Variants in UGGT2 observed in about 807,000 individuals in gnomAD.
The protein encoded by UGGT2 is UDP-glucose glycoprotein glucosyltransferase 2.
In UGGT2, 180 loss-of-function variants were observed where a neutral mutation model predicts 192.1. The ratio of observed to expected loss-of-function variants is 0.94; its 90% CI spans 0.83 to 1.06. The LOEUF (loss-of-function observed/expected upper bound fraction) is 1.06, where lower values mean the gene tolerates loss of function less well. Among genes scored for constraint, UGGT2 ranks in the 50% least tolerant of loss-of-function variants. UGGT2 has a pLI of 0.00. For missense variants in UGGT2, 1,849 were observed against 1,795.7 expected (o/e 1.03, Z -0.54); for synonymous variants, 580 against 591.0 (o/e 0.98, Z 0.27).
intron 27 of UGGT2, 34 bp downstream of exon 27, chr13:95,884,457 C>A: frequency 6.8e-7 from 1 of 1,481,066 alleles, no homozygotes; most frequent in Non-Finnish European, 9.1e-7. Flanking sequence ...TATCCTGTTT[C>A]TCTCTCTTTA....
At chr13:95,987,724 T>C (rs2051332821) in intron 8 of UGGT2, among the ~76,000 whole-genome samples, 1 of 152,140 alleles carries the variant, frequency 6.6e-6, no homozygotes, top group African/African-American at 2.4e-5. Flanking sequence ...ATGATGCAAA[T>C]GACTTGGCTA....
At chr13:95,828,823 G>A (rs1886335128) in intron 38 of UGGT2, among the ~76,000 whole-genome samples, 1 of 152,106 alleles carries the variant, frequency 6.6e-6, no homozygotes, top group Non-Finnish European at 1.5e-5. Flanking sequence ...AATTTATGAG[G>A]ACAGCATCAT....
intron 5 of UGGT2, among the ~76,000 whole-genome samples, chr13:96,006,220 A>T (rs187228320): frequency 3.6e-4 from 55 of 152,356 alleles, no homozygotes; most frequent in Non-Finnish European, 7.1e-4. Context: ...TTCATCACAC[A>T]TATTAAAACT....
intron 5 of UGGT2, among the ~76,000 whole-genome samples, chr13:96,007,266 C>T (rs982485122): frequency 6.6e-6 from 1 of 151,954 alleles, no homozygotes; most frequent in African/African-American, 2.4e-5. Flanking sequence ...CAAGTCCCTC[C>T]CCCCCAACAA....
At chr13:95,972,442 G>T in intron 11 of UGGT2, 138 bp downstream of exon 11, 1 of 785,538 alleles carries the variant, frequency 1.3e-6, no homozygotes, top group Non-Finnish European at 2.0e-6. Context: ...CATTTTGGTA[G>T]AAGAAAGCTG....
chr13:95,819,316 C>A (rs945318735), intron 38 of UGGT2, among the ~76,000 whole-genome samples: 2 of 152,074 alleles, frequency 1.3e-5, no homozygotes, highest in African/African-American at 4.8e-5. Flanking sequence ...TTCTCCCTTT[C>A]TATTTTTTGT....
chr13:95,932,553 T>G (rs1002335822), intron 17 of UGGT2, among the ~76,000 whole-genome samples: 1 of 152,190 alleles, frequency 6.6e-6, no homozygotes, highest in African/African-American at 2.4e-5. Flanking sequence ...AGAGAGATAC[T>G]GGACTTCTTT....
intron 10 of UGGT2, among the ~76,000 whole-genome samples, chr13:95,982,398 A>ATCT (rs907788182): frequency 1.3e-5 from 2 of 152,240 alleles, no homozygotes; most frequent in African/African-American, 4.8e-5. Context: ...CGGCAGCTCC[A>ATCT]TCTTCCCTTC....
intron 12 of UGGT2, among the ~76,000 whole-genome samples, chr13:95,964,881 C>T (rs538220941): frequency 2.7e-5 from 4 of 150,330 alleles, no homozygotes; most frequent in African/African-American, 7.3e-5. Context: ...CTACAATGAA[C>T]TCAAACAAAT....
Position 95,895,212 on chromosome 13 carries a change from G to T in UGGT2, c.2727C>A (p.Gly909=). Reference sequence around the variant, plus strand: ...CGTTGATTCCCATATTTTCAACAATGCCTTTAATTTTCTCTCCTAAATTAC... The same window carrying T: ...CGTTGATTCCCATATTTTCAACAATTCCTTTAATTTTCTCTCCTAAATTAC... ...TFSNLGEKIK[G]IVENMGINAN... The change falls in exon 23 of 39, where the codon GGC becomes GGA. Residue 909 remains glycine, a synonymous_variant. Transcript: ENST00000376747. 2 of 1,584,544 alleles carry T rather than the reference G, an allele frequency of 1.3e-6. No individual in the cohort carries two copies. The highest frequency in any genetic ancestry group is 1.7e-6 in the Non-Finnish European group (2 of 1,171,344).
rs1349415198 is a variant in UGGT2, at chr13:95,986,449, TA to T, written c.932-18del. 1 of 1,520,578 alleles carries T rather than the reference TA, an allele frequency of 6.6e-7. No individual in the cohort carries two copies. The highest frequency in any genetic ancestry group is 2.3e-5 in the East Asian group (1 of 44,130). 94.2% of individuals were successfully genotyped at this position (1,520,578 alleles called of 1,614,324 possible). A position where few individuals can be genotyped will look rare whatever the true frequency, so the allele number is the denominator to read the frequency against. On this transcript the variant is annotated intron_variant, in intron 8 of 38. Transcript: ENST00000376747. ...AACTAAGATCTGGAAGGAAAAATATTATTAAGGAATCTAGCATAATATTAGA... is the reference window on the plus strand; with the variant it reads ...AACTAAGATCTGGAAGGAAAAATATTTTAAGGAATCTAGCATAATATTAGA...
intron 12 of UGGT2, among the ~76,000 whole-genome samples, chr13:95,968,555 C>A (rs1386743446): frequency 6.6e-6 from 1 of 152,044 alleles, no homozygotes; most frequent in Non-Finnish European, 1.5e-5. Context: ...CAAGACCAGG[C>A]TGCTTAAATG....
intron 29 of UGGT2, among the ~76,000 whole-genome samples, chr13:95,876,635 G>C (rs1411522831): frequency 1.3e-5 from 2 of 152,176 alleles, no homozygotes; most frequent in African/African-American, 4.8e-5. Flanking sequence ...CAGCTGTGCT[G>C]TATCAGGTTG....
intron 37 of UGGT2, 109 bp downstream of exon 37, chr13:95,836,976 GA>G (rs1887355057): frequency 2.2e-6 from 2 of 890,938 alleles, no homozygotes; most frequent in East Asian, 5.1e-5. Flanking sequence ...CTGAACAGCA[GA>G]AGAAGCGAAG....
chr13:95,976,344 A>G (rs904900104), intron 10 of UGGT2, among the ~76,000 whole-genome samples: 1 of 152,156 alleles, frequency 6.6e-6, no homozygotes, highest in African/African-American at 2.4e-5. Context: ...GCTTGAATCC[A>G]TATTTTAGCT....
At position 95,930,078 on chromosome 13, in the gene UGGT2, CTTCTT is replaced by C. The variant is rs753980970; in HGVS notation, c.1978-2747_1978-2743del. ...ATATGCTTGTTGGCCGCCTGCGTGTCTTCTTTTGAGAAGTACCTGTTAATGTCATT... is the reference window on the plus strand; with the variant it reads ...ATATGCTTGTTGGCCGCCTGCGTGTCTTGAGAAGTACCTGTTAATGTCATT... On this transcript the variant is annotated intron_variant, in intron 17 of 38. Transcript: ENST00000376747. Among the ~76,000 whole-genome samples the C allele has an allele frequency of 3.3e-4, 51 of 152,288 alleles. 1 individual carries two copies. The highest frequency in any genetic ancestry group is 5.9e-4 in the Non-Finnish European group (40 of 68,022).
At position 95,888,739 on chromosome 13, in the gene UGGT2, G is replaced by A. The variant is rs1487094971; in HGVS notation, c.2959-768C>T. Among the ~76,000 whole-genome samples, 7 of 151,902 alleles carry A rather than the reference G, an allele frequency of 4.6e-5. 1 individual carries two copies. The highest frequency in any genetic ancestry group is 2.9e-5 in the Non-Finnish European group (2 of 67,992). ...TTCCAATAAATTATCCTTTTATAAA[G>A]TAAGAAATAAAGTATGCTATTATTA... On this transcript the variant is annotated intron_variant, in intron 25 of 38. Coordinates refer to ENST00000376747, the MANE Select transcript of UGGT2 (RefSeq NM_020121.4).
At position 96,053,331 on chromosome 13, in the gene UGGT2, C is replaced by G. The variant is rs747422515; in HGVS notation, c.-19G>C. The G allele has an allele frequency of 6.3e-7, 1 of 1,578,320 alleles. No individual in the cohort carries two copies. The highest frequency in any genetic ancestry group is 1.4e-5 in the African/African-American group (1 of 72,544). On this transcript the variant is annotated 5_prime_UTR_variant, in exon 1 of 39. Transcript: ENST00000376747. ...GCGCCATGGCACGGAGAGAAAAGCGCGAGTCCCTCGGACCCGGTACCCACA... is the reference window on the plus strand; with the variant it reads ...GCGCCATGGCACGGAGAGAAAAGCGGGAGTCCCTCGGACCCGGTACCCACA...
intron 38 of UGGT2, among the ~76,000 whole-genome samples, chr13:95,821,766 A>T (rs1366411936): frequency 6.6e-6 from 1 of 152,132 alleles, no homozygotes; most frequent in Admixed American, 6.6e-5. Flanking sequence ...ATGTGGTTTC[A>T]TTCTTCTATA....
Sources: allele counts gnomAD v4.1 joint callset (sites outside exome capture counted in the v4.1 genomes callset), GRCh38; gene constraint gnomAD v4.1.1; transcripts MANE v1.5; gene names NCBI Gene and HGNC (gene_info 2026-07-23, HGNC 2026-07-21).